The following ZNF385D variants were observed in gnomAD, a reference collection of about 807,000 sequenced individuals.
The protein encoded by ZNF385D is zinc finger protein 385D.
Under a neutral mutation model 35.8 loss-of-function variants are expected in ZNF385D, and 15 were observed. The observed-to-expected ratio is 0.42, with a 90% CI of 0.28 to 0.64. ZNF385D has a LOEUF of 0.64. Ranked by LOEUF, ZNF385D falls within the 30% of genes least tolerant of loss-of-function variation. The probability of loss-of-function intolerance (pLI) is 0.23; values close to 1 mark genes in which losing one functional copy is unlikely to be tolerated. For missense variants in ZNF385D, 474 were observed against 494.6 expected, an observed-to-expected ratio of 0.96 and a Z score of 0.39; for synonymous variants, 212 against 186.8, an observed-to-expected ratio of 1.13 and a Z score of -1.10.
intron 3 of ZNF385D, among the ~76,000 whole-genome samples, chr3:21,757,406 G>C (rs1004696401): frequency 2.0e-5 from 3 of 152,100 alleles, no homozygotes; most frequent in African/African-American, 7.2e-5. Flanking sequence ...GCCTCCCAAA[G>C]TGCTGGGATT....
intron 3 of ZNF385D, among the ~76,000 whole-genome samples, chr3:21,909,201 A>C (rs1699840235): frequency 6.7e-6 from 1 of 148,722 alleles, no homozygotes; most frequent in African/African-American, 2.5e-5. Context: ...ATACGGATAT[A>C]ATACGGTCCA....
chr3:21,961,911 A>C (rs982245258), intron 3 of ZNF385D, among the ~76,000 whole-genome samples: 2 of 152,126 alleles, frequency 1.3e-5, no homozygotes, highest in African/African-American at 4.8e-5. Context: ...TGTTATGACT[A>C]AAAGGAAAAG....
At chr3:21,689,949 A>C (rs2067228411) in intron 1 of ZNF385D, among the ~76,000 whole-genome samples, 1 of 152,070 alleles carries the variant, frequency 6.6e-6, no homozygotes, top group African/African-American at 2.4e-5. Context: ...ATTTTGAATG[A>C]GACTTTACAA....
chr3:22,088,067 G>C (rs577969077), intron 3 of ZNF385D, among the ~76,000 whole-genome samples: 1 of 152,250 alleles, frequency 6.6e-6, no homozygotes, highest in Non-Finnish European at 1.5e-5. Flanking sequence ...GGAGAGCTTT[G>C]TCTAAAACAA....
At chr3:22,100,670 T>C (rs1221515005) in intron 3 of ZNF385D, among the ~76,000 whole-genome samples, 1 of 105,846 alleles carries the variant, frequency 9.4e-6, no homozygotes, top group Admixed American at 1.4e-4. Context: ...AACATCACAC[T>C]CTGGGAATGT....
intron 2 of ZNF385D, among the ~76,000 whole-genome samples, chr3:22,371,607 C>A (rs975232261): frequency 1.4e-4 from 22 of 152,280 alleles, no homozygotes; most frequent in African/African-American, 5.3e-4. Flanking sequence ...CAGGGTGACA[C>A]CATTTTGGAG....
rs376948978 is a variant in ZNF385D, at chr3:22,370,049, T to C, written c.106+2401A>G. Among the ~76,000 whole-genome samples, 281 of 152,340 alleles carry C rather than the reference T, an allele frequency of 1.8e-3. 5 individuals are homozygous for C. In the South Asian group the frequency reaches 0.032, roughly 17 times the overall value. On this transcript the variant is annotated intron_variant, in intron 2 of 5. Transcript: ENST00000494108. ...TCTTGAATTGCAAACATTTTCATTA[T>C]TGAACTTTTGATGCACCTGGTAAAT...
Position 21,913,868 on chromosome 3 carries a change from G to T in ZNF385D, c.326-248840C>A, listed in dbSNP as rs259541. 7.4e-3 allele frequency among the ~76,000 whole-genome samples: 1,129 copies of T among 152,156 alleles called. 10 individuals carry two copies. The highest frequency in any genetic ancestry group is 0.041 in the Middle Eastern group (12 of 294). On this transcript the variant is annotated intron_variant, in intron 3 of 5. Coordinates refer to the ZNF385D transcript ENST00000494108. Reference sequence around the variant, plus strand: ...ATCTGTCTAGATTTCCTCATCAGTAGTTGTTAAAATTAGGCAAGGATTTGT... The same window carrying T: ...ATCTGTCTAGATTTCCTCATCAGTATTTGTTAAAATTAGGCAAGGATTTGT...
intron 3 of ZNF385D, among the ~76,000 whole-genome samples, chr3:22,067,850 T>C (rs1049512200): frequency 6.6e-6 from 1 of 152,024 alleles, no homozygotes; most frequent in Non-Finnish European, 1.5e-5. Context: ...GGTGAAACCC[T>C]GTCTCTACTA....
intron 1 of ZNF385D, among the ~76,000 whole-genome samples, chr3:21,712,965 C>A (rs1363154182): frequency 6.6e-6 from 1 of 152,184 alleles, no homozygotes; most frequent in African/African-American, 2.4e-5. Flanking sequence ...AACACTATTT[C>A]CAACTTGCCA....
In ZNF385D at chr3:21,979,114, AC is replaced by A. The variant is rs574065879; in HGVS notation, c.325+189702del. Among the ~76,000 whole-genome samples, 57 of 152,184 alleles carry A rather than the reference AC, an allele frequency of 3.7e-4. 1 individual carries two copies. The South Asian group carries it at 0.011, about 30-fold the overall frequency. ...ACATGCCAATTTTTTTTCAATGGTG[AC>A]CCTGACCAAATGATACACAGTTAAT... On this transcript the variant is annotated intron_variant, in intron 3 of 5. Transcript: ENST00000494108.
chr3:21,771,502 C>G (rs114654861), intron 3 of ZNF385D, among the ~76,000 whole-genome samples: 1 of 151,566 alleles, frequency 6.6e-6, no homozygotes. Context: ...AATAAGTCAA[C>G]AGAAATTGTT....
rs1698538995 is a variant in ZNF385D, at chr3:22,039,549, A to T, written c.325+129268T>A. Reference sequence around the variant, plus strand: ...GTTGCATCAGACTAGAGAGGAGTCAAGTCTAGTATATTACTTTGAACTGTA... The same window carrying T: ...GTTGCATCAGACTAGAGAGGAGTCATGTCTAGTATATTACTTTGAACTGTA... On this transcript the variant is annotated intron_variant, in intron 3 of 5. Coordinates refer to the ZNF385D transcript ENST00000494108. Among the ~76,000 whole-genome samples, 4 of 152,130 alleles carry T rather than the reference A, an allele frequency of 2.6e-5. No individual in the cohort carries two copies. The South Asian group carries it at 8.3e-4, about 32-fold the overall frequency.
intron 2 of ZNF385D, among the ~76,000 whole-genome samples, chr3:22,236,992 T>C (rs775439048): frequency 3.3e-5 from 5 of 152,230 alleles, no homozygotes; most frequent in Non-Finnish European, 7.3e-5. Context: ...GCTATGAATA[T>C]TTATGTATAA....
chr3:22,220,072 T>C (rs1698159113), intron 2 of ZNF385D, among the ~76,000 whole-genome samples: 1 of 151,784 alleles, frequency 6.6e-6, no homozygotes, highest in East Asian at 1.9e-4. Context: ...TTTTTTTTTT[T>C]CTTTTTTTGA....
At position 21,765,273 on chromosome 3, in the gene ZNF385D, T is replaced by C. The variant is rs564921211; in HGVS notation, c.326-100245A>G. ...GTGTGTGTTATAGATTTTACTGACT[T>C]ATTTTGCTAGAAATAAAAGTAAGGG... On this transcript the variant is annotated intron_variant, in intron 3 of 5. Coordinates refer to the ZNF385D transcript ENST00000494108. 3.3e-5 allele frequency among the ~76,000 whole-genome samples: 5 copies of C among 151,992 alleles called. No homozygotes were observed. The East Asian group carries it at 9.7e-4, about 30-fold the overall frequency.
chr3:22,193,118 A>C (rs1425530759), intron 2 of ZNF385D, among the ~76,000 whole-genome samples: 2 of 152,208 alleles, frequency 1.3e-5, no homozygotes, highest in African/African-American at 4.8e-5. Context: ...CACAAATTAA[A>C]TTTTAATTGT....
intron 3 of ZNF385D, among the ~76,000 whole-genome samples, chr3:22,057,699 A>G (rs1231813026): frequency 1.3e-5 from 2 of 152,006 alleles, no homozygotes; most frequent in African/African-American, 4.8e-5. Context: ...TTTTTCCTAG[A>G]GATGGGGTTT....
intron 2 of ZNF385D, among the ~76,000 whole-genome samples, chr3:21,588,151 TATG>T: frequency 6.6e-6 from 1 of 152,240 alleles, no homozygotes; most frequent in Non-Finnish European, 1.5e-5. Flanking sequence ...AACACGATAT[TATG>T]ATAATTGCTG....
Sources: allele counts gnomAD v4.1 joint callset (sites outside exome capture counted in the v4.1 genomes callset), GRCh38; gene constraint gnomAD v4.1.1; transcripts MANE v1.5; gene names NCBI Gene and HGNC (gene_info 2026-07-23, HGNC 2026-07-21).